ARGLU1: variants seen among roughly 807,000 people sequenced by gnomAD.
ARGLU1 encodes the protein arginine and glutamate-rich protein 1.
In ARGLU1, 9 loss-of-function variants were observed where a neutral mutation model predicts 37.6. The ratio of observed to expected loss-of-function variants is 0.24; its 90% CI spans 0.14 to 0.42. The LOEUF is 0.42. Among genes scored for constraint, ARGLU1 ranks in the 10% least tolerant of loss-of-function variants. The pLI is 1.00. For synonymous variants in ARGLU1, 166 were observed against 138.5 expected, an observed-to-expected ratio of 1.20 and a Z score of -1.39; for missense variants, 211 against 359.2, an observed-to-expected ratio of 0.59 and a Z score of 3.34.
chr13:106,562,531 C>T (rs909993290), intron 1 of ARGLU1, among the ~76,000 whole-genome samples: 16 of 152,324 alleles, frequency 1.1e-4, no homozygotes, highest in Admixed American at 2.0e-4. Flanking sequence ...TTGTCACCCT[C>T]ATGATGTTCT....
At chr13:106,553,487 T>C (rs546650459) in intron 3 of ARGLU1, among the ~76,000 whole-genome samples, 40 of 152,214 alleles carry the variant, frequency 2.6e-4, no homozygotes, top group Non-Finnish European at 4.9e-4. Flanking sequence ...TAAAGTTTTT[T>C]ATATTTACTG....
chr13:106,550,346 A>G (rs1005226653), intron 3 of ARGLU1, among the ~76,000 whole-genome samples: 3 of 152,164 alleles, frequency 2.0e-5, no homozygotes, highest in Admixed American at 2.0e-4. Flanking sequence ...ACACTCACTC[A>G]TGTCCAGAAA....
chr13:106,551,325 T>C (rs1161915223), intron 3 of ARGLU1, among the ~76,000 whole-genome samples: 2 of 152,162 alleles, frequency 1.3e-5, no homozygotes, highest in Admixed American at 6.5e-5. Context: ...CAGCTAAATA[T>C]GAAAAAGTTT....
intron 3 of ARGLU1, among the ~76,000 whole-genome samples, chr13:106,555,049 G>A (rs1397877193): frequency 6.6e-6 from 1 of 151,776 alleles, no homozygotes; most frequent in East Asian, 1.9e-4. Flanking sequence ...TTTATCACAA[G>A]CATGCCATCA....
chr13:106,553,660 T>C (rs886202943), intron 3 of ARGLU1, among the ~76,000 whole-genome samples: 1 of 152,212 alleles, frequency 6.6e-6, no homozygotes, highest in Non-Finnish European at 1.5e-5. Context: ...GGACATTTCT[T>C]TGTTTCTCTG....
chr13:106,563,317 G>A (rs923848430), intron 1 of ARGLU1, among the ~76,000 whole-genome samples: 1 of 152,038 alleles, frequency 6.6e-6, no homozygotes, highest in Non-Finnish European at 1.5e-5. Flanking sequence ...TTTTACTGAG[G>A]AAACTAAGAA....
chr13:106,553,696 T>C (rs1420485443), intron 3 of ARGLU1, among the ~76,000 whole-genome samples: 1 of 152,342 alleles, frequency 6.6e-6, no homozygotes, highest in East Asian at 1.9e-4. Context: ...TTCAGAAATG[T>C]ATTGTAGTTG....
rs553289859 is a variant in ARGLU1, at chr13:106,549,002, T to G, written c.658-4842A>C. Among the ~76,000 whole-genome samples the G allele has an allele frequency of 2.0e-5, 3 of 152,292 alleles. No individual in the cohort carries two copies. The East Asian group carries it at 5.8e-4, about 29-fold the overall frequency. On this transcript the variant is annotated intron_variant, in intron 3 of 3. Coordinates refer to ENST00000400198, the MANE Select transcript of ARGLU1 (RefSeq NM_018011.4). ...TTCTGACCTTGTGATCCGCCTGCCCTGGCCTCCCAAAGTGCTGGGATTACA... is the reference window on the plus strand; with the variant it reads ...TTCTGACCTTGTGATCCGCCTGCCCGGGCCTCCCAAAGTGCTGGGATTACA...
rs1880297508 is a variant in ARGLU1 at position 106,542,884 on chromosome 13, G to A, written c.*1112C>T. ...GTTTGTCCTAAAAATAAACGTGCAA[G>A]TACACTACACAATGAAAATGACTCG... On this transcript the variant is annotated 3_prime_UTR_variant, in exon 4 of 4. Coordinates refer to ENST00000400198, the MANE Select transcript of ARGLU1 (RefSeq NM_018011.4). 1 of 150,832 alleles carries A rather than the reference G, an allele frequency of 6.6e-6. No homozygotes were observed. Among genetic ancestry groups the A allele is most frequent in the Non-Finnish European group, 1.5e-5 (1 of 67,732 alleles). The allele number at this position is 150,832 out of a possible 1,614,324, so 9.3% of individuals were successfully genotyped here.
Position 106,557,718 on chromosome 13 carries a change from A to C in ARGLU1, c.574-587T>G. 5.7e-6 allele frequency: 8 copies of C among 1,412,366 alleles called. No homozygotes were observed. Among genetic ancestry groups the C allele is most frequent in the Non-Finnish European group, 7.5e-6 (8 of 1,069,588 alleles). 87.5% of individuals were successfully genotyped at this position (1,412,366 alleles called of 1,614,324 possible). Reference sequence around the variant, plus strand: ...AGGAAGGCTGAGCTGAGGAATGCAGATGTTTATGGTAAGAAGGAACAAAAA... The same window carrying C: ...AGGAAGGCTGAGCTGAGGAATGCAGCTGTTTATGGTAAGAAGGAACAAAAA... On this transcript the variant is annotated intron_variant, in intron 2 of 3. Coordinates refer to ENST00000400198, the MANE Select transcript of ARGLU1 (RefSeq NM_018011.4). The surrounding 1 kb of genome is among the most constrained non-coding windows in gnomAD (Gnocchi z 5.0).
chr13:106,547,426 A>T (rs545712892), intron 3 of ARGLU1, among the ~76,000 whole-genome samples: 1 of 152,300 alleles, frequency 6.6e-6, no homozygotes, highest in East Asian at 1.9e-4. Context: ...ATATTACAAC[A>T]CAGTTTATAG....
Position 106,543,496 on chromosome 13 carries a change from C to CA in ARGLU1, c.*499dup, listed in dbSNP as rs1054183218. ...GTTTCCTTACCTGTATCAGGAACATCAAGAGCAACAGTATCACAAGGACAC... is the reference window on the plus strand; with the variant it reads ...GTTTCCTTACCTGTATCAGGAACATCAAAGAGCAACAGTATCACAAGGACAC... On this transcript the variant is annotated 3_prime_UTR_variant, in exon 4 of 4. Coordinates refer to ENST00000400198, the MANE Select transcript of ARGLU1 (RefSeq NM_018011.4). The CA allele has an allele frequency of 8.5e-5, 13 of 152,700 alleles. No homozygotes were observed. Among genetic ancestry groups the CA allele is most frequent in the Non-Finnish European group, 1.8e-4 (12 of 68,182 alleles). The allele number at this position is 152,700 out of a possible 1,614,324, so 9.5% of individuals were successfully genotyped here.
At chr13:106,565,536 C>CTT (rs1880938802) in intron 1 of ARGLU1, among the ~76,000 whole-genome samples, 1 of 152,192 alleles carries the variant, frequency 6.6e-6, no homozygotes, top group African/African-American at 2.4e-5. Flanking sequence ...TTTATATTAA[C>CTT]AGTACCTAGC....
chr13:106,543,977 A>G lies in ARGLU1; in HGVS notation c.*19T>C. On this transcript the variant is annotated 3_prime_UTR_variant, in exon 4 of 4. Transcript: ENST00000400198. Reference sequence around the variant, plus strand: ...AAAGTTTTTCCATTTTTCTTTGTAAAAAGTTCAGAGTTTGCAATTTAATCC... The same window carrying G: ...AAAGTTTTTCCATTTTTCTTTGTAAGAAGTTCAGAGTTTGCAATTTAATCC... 1 of 1,563,756 alleles carries G rather than the reference A, an allele frequency of 6.4e-7. No homozygotes were observed. Among genetic ancestry groups the G allele is most frequent in the South Asian group, 1.2e-5 (1 of 81,006 alleles).
chr13:106,559,225 T>C (rs1304722416), intron 2 of ARGLU1: 6 of 1,519,232 alleles, frequency 3.9e-6, no homozygotes, highest in Non-Finnish European at 4.4e-6. Flanking sequence ...TCCTTGAATA[T>C]GTTTTATAAA....
intron 3 of ARGLU1, among the ~76,000 whole-genome samples, chr13:106,547,579 G>T (rs1361983752): frequency 6.6e-6 from 1 of 152,106 alleles, no homozygotes; most frequent in Non-Finnish European, 1.5e-5. Flanking sequence ...TTCCGCAATG[G>T]AAAAATCTCC....
At chr13:106,551,431 A>G (rs762601255) in intron 3 of ARGLU1, among the ~76,000 whole-genome samples, 17 of 152,166 alleles carry the variant, frequency 1.1e-4, no homozygotes, top group Admixed American at 2.0e-4. Context: ...ATATGTTCCT[A>G]ATTTGCTTCT....
intron 1 of ARGLU1, chr13:106,561,703 G>A (rs1400344990): frequency 1.3e-5 from 2 of 152,192 alleles, no homozygotes; most frequent in Non-Finnish European, 2.9e-5. Flanking sequence ...AGGCAGAAGA[G>A]ACCTGATACA....
At chr13:106,551,714 A>G (rs969626933) in intron 3 of ARGLU1, among the ~76,000 whole-genome samples, 3 of 152,152 alleles carry the variant, frequency 2.0e-5, no homozygotes, top group Admixed American at 1.3e-4. Flanking sequence ...TTTAGCGGAG[A>G]GTCTGCTCCT....
Sources: gnomAD v4.1 joint callset for allele counts (sites outside exome capture counted in the v4.1 genomes callset) on GRCh38, gnomAD v4.1.1 for gene constraint, Gnocchi (gnomAD v3.1) non-coding constraint, MANE v1.5 for transcripts, NCBI Gene and HGNC (gene_info 2026-07-23, HGNC 2026-07-21) for gene names.